The following ABI2 variants were observed in gnomAD, a reference collection of about 807,000 sequenced individuals.
ABI2 encodes the protein abelson interactor 2.
In ABI2, 25 loss-of-function variants were observed where a neutral mutation model predicts 59.2. The observed-to-expected ratio is 0.42, with a 90% confidence interval of 0.31 to 0.59. The LOEUF (loss-of-function observed/expected upper bound fraction) is 0.59, where lower values mean the gene tolerates loss of function less well. ABI2 is among the 20% of genes least tolerant of loss of function. The pLI, the probability that ABI2 is intolerant of heterozygous loss-of-function variation, is 0.14. For missense variants in ABI2, 545 were observed against 681.8 expected (o/e 0.80, Z 2.23); for synonymous variants, 213 against 235.5 (o/e 0.90, Z 0.87).
Position 203,394,733 on chromosome 2 carries a change from G to T in ABI2, c.612G>T (p.Val204=). Residue 204 remains valine (V), a synonymous_variant, in exon 6 of 12, where the codon GTG becomes GTT. Transcript: ENST00000261018. ...CCCCCTATCGCACACTGGAGCCAGT[G>T]CGTCCTCCAGTGGTACCAAATGATT... ...RHSPYRTLEP[V]RPPVVPNDYV... is the part of the protein sequence containing the mutation. 1 of 1,614,018 alleles carries T rather than the reference G, an allele frequency of 6.2e-7. No homozygotes were observed. Among genetic ancestry groups the T allele is most frequent in the East Asian group, 2.2e-5 (1 of 44,880 alleles).
At chr2:203,368,268 T>C (rs999122461) in intron 2 of ABI2, among the ~76,000 whole-genome samples, 1 of 152,108 alleles carries the variant, frequency 6.6e-6, no homozygotes, top group Non-Finnish European at 1.5e-5. Context: ...TTAAAAAATA[T>C]AAAAATGATA....
chr2:203,371,318 G>A (rs566033823), intron 2 of ABI2, among the ~76,000 whole-genome samples: 1 of 152,222 alleles, frequency 6.6e-6, no homozygotes, highest in South Asian at 2.1e-4. Context: ...ACTGTACTCT[G>A]TATCGGGGAG....
At chr2:203,377,397 C>CTA (rs1195954739) in intron 2 of ABI2, among the ~76,000 whole-genome samples, 1 of 152,150 alleles carries the variant, frequency 6.6e-6, no homozygotes, top group East Asian at 1.9e-4. Context: ...GGTTTACACT[C>CTA]TTATAGTTTC....
intron 5 of ABI2, 89 bp downstream of exon 5, chr2:203,391,232 T>A (rs997619589): frequency 1.1e-5 from 10 of 907,910 alleles, no homozygotes; most frequent in Non-Finnish European, 1.6e-5. Flanking sequence ...TTTGAATATT[T>A]GAAGAGAGAA....
chr2:203,431,407 GT>G lies in ABI2; in HGVS notation c.*4059del, dbSNP rs1311678117. ...GAATATACGTGAAAAGACATGCCAT[GT>G]TTTGGTAAATACCATCAGAGTTGTG... On this transcript the variant is annotated 3_prime_UTR_variant, in exon 12 of 12. Coordinates refer to ENST00000261018, the MANE Select transcript of ABI2 (RefSeq NM_001375670.1). 4 of 152,618 alleles carry G rather than the reference GT, an allele frequency of 2.6e-5. No individual in the cohort carries two copies. Among genetic ancestry groups the G allele is most frequent in the Non-Finnish European group, 5.9e-5 (4 of 68,030 alleles). 9.5% of individuals were successfully genotyped at this position (152,618 alleles called of 1,614,324 possible). A position where few individuals can be genotyped will look rare whatever the true frequency, so the allele number is the denominator to read the frequency against.
intron 4 of ABI2, among the ~76,000 whole-genome samples, chr2:203,390,618 C>A: frequency 6.7e-6 from 1 of 150,000 alleles, no homozygotes. Context: ...GGTAACAAAG[C>A]GAGACTCTGT....
chr2:203,338,982 A>AC (rs1559154746), intron 1 of ABI2, among the ~76,000 whole-genome samples: 5 of 10,902 alleles, frequency 4.6e-4, no homozygotes, highest in African/African-American at 1.3e-3. Flanking sequence ...ATATATATAT[A>AC]AATATATATA....
Position 203,402,613 on chromosome 2 carries a change from C to T in ABI2, c.1071C>T (p.Ala357=), listed in dbSNP as rs780837108. The T allele has an allele frequency of 6.3e-6, 10 of 1,598,858 alleles. No individual in the cohort carries two copies. Among genetic ancestry groups the T allele is most frequent in the South Asian group, 1.1e-5 (1 of 87,586 alleles). Residue 357 remains alanine, a synonymous_variant, in exon 9 of 12, where the codon GCC becomes GCT. Coordinates refer to ENST00000261018, the MANE Select transcript of ABI2 (RefSeq NM_001375670.1). ...PVQFYSMNRP[A]SRHTPPTIGG... ...AGTTCTACAGCATGAATAGGCCTGC[C>T]TCTCGCCATACTCCCCCAACAATAG...
intron 1 of ABI2, among the ~76,000 whole-genome samples, chr2:203,345,776 C>G (rs2083048404): frequency 6.6e-6 from 1 of 151,932 alleles, no homozygotes; most frequent in African/African-American, 2.4e-5. Context: ...AAACTCCTGA[C>G]CTCAAGTGAT....
chr2:203,338,939 T>TAA (rs1260093635), intron 1 of ABI2, among the ~76,000 whole-genome samples: 1 of 5,044 alleles, frequency 2.0e-4, no homozygotes, highest in African/African-American at 3.7e-4. Context: ...TATATGTATA[T>TAA]ATATATATAT....
chr2:203,382,303 C>A (rs2096186811), intron 4 of ABI2, 97 bp downstream of exon 4: 4 of 1,053,364 alleles, frequency 3.8e-6, no homozygotes, highest in African/African-American at 3.3e-5. Context: ...CCTTTTAAAA[C>A]CCAATAAATA....
At chr2:203,328,736 C>A in intron 1 of ABI2, 105 bp downstream of exon 1, 1 of 621,084 alleles carries the variant, frequency 1.6e-6, no homozygotes. Context: ...CCCAGCGGAG[C>A]CCCCGATGGG....
chr2:203,395,124 G>A (rs1383062877), intron 6 of ABI2: 7 of 702,842 alleles, frequency 1.0e-5, no homozygotes, highest in Non-Finnish European at 1.8e-5. Context: ...TGTGGGAAAT[G>A]TCAGGTTGTT....
intron 1 of ABI2, among the ~76,000 whole-genome samples, chr2:203,336,964 T>G (rs1027175552): frequency 6.6e-6 from 1 of 152,112 alleles, no homozygotes; most frequent in Non-Finnish European, 1.5e-5. Context: ...TTGTCAGGTT[T>G]TAAAATTTTA....
At chr2:203,354,559 C>T (rs1279009335) in intron 1 of ABI2, among the ~76,000 whole-genome samples, 1 of 152,096 alleles carries the variant, frequency 6.6e-6, no homozygotes. Flanking sequence ...AACAGGTTAG[C>T]CAGGGAGTTT....
intron 1 of ABI2, among the ~76,000 whole-genome samples, chr2:203,342,739 C>G (rs1479096036): frequency 6.6e-6 from 1 of 151,982 alleles, no homozygotes; most frequent in Non-Finnish European, 1.5e-5. Flanking sequence ...TGCTCGCCAC[C>G]ATGCCTGGCT....
chr2:203,355,891 A>C (rs191918403), intron 1 of ABI2, among the ~76,000 whole-genome samples: 1 of 150,808 alleles, frequency 6.6e-6, no homozygotes, highest in South Asian at 2.1e-4. Context: ...AAAATCTTCA[A>C]CTTTCACTAG....
chr2:203,423,260 T>C (rs1279424140), intron 11 of ABI2, among the ~76,000 whole-genome samples: 1 of 152,208 alleles, frequency 6.6e-6, no homozygotes, highest in Non-Finnish European at 1.5e-5. Context: ...ATATAGAATA[T>C]AGATGTATTT....
intron 11 of ABI2, 127 bp downstream of exon 11, chr2:203,417,208 ACT>A: frequency 1.1e-6 from 1 of 872,608 alleles, no homozygotes; most frequent in Non-Finnish European, 1.6e-6. Flanking sequence ...GTGCATTTTT[ACT>A]GAGTTTACAA....
Sources: allele counts gnomAD v4.1 joint callset (sites outside exome capture counted in the v4.1 genomes callset), GRCh38; gene constraint gnomAD v4.1.1; transcripts MANE v1.5; gene names NCBI Gene and HGNC (gene_info 2026-07-23, HGNC 2026-07-21).